COL12A1: variants seen among roughly 807,000 people sequenced by gnomAD.
COL12A1 encodes the protein collagen alpha-1(XII) chain.
In COL12A1, 114 loss-of-function variants were observed where a neutral mutation model predicts 349.7. The observed-to-expected ratio is 0.33, with a 90% CI of 0.28 to 0.38. The LOEUF is 0.38. COL12A1 is among the 10% of genes least tolerant of loss of function. The probability of loss-of-function intolerance (pLI) is 1.00; values close to 1 mark genes in which losing one functional copy is unlikely to be tolerated. For missense variants in COL12A1, 3,284 were observed against 3,756.9 expected (o/e 0.87, Z 3.29); for synonymous variants, 1,369 against 1,329.0 (o/e 1.03, Z -0.66).
At position 75,134,741 on chromosome 6, in the gene COL12A1, C is replaced by T; in HGVS notation, c.5509G>A (p.Gly1837Arg). The T allele has an allele frequency of 3.1e-6, 5 of 1,605,918 alleles. No individual in the cohort carries two copies. Among genetic ancestry groups the T allele is most frequent in the Non-Finnish European group, 4.3e-6 (5 of 1,174,676 alleles). Reference protein sequence around the residue: ...YPDGEGGRMTGRGKTKPLNTV... With the variant: ...YPDGEGGRMTRRGKTKPLNTV... Reference sequence around the variant, plus strand: ...TTTCACTTACTGGTCTTGCCTCTTCCCGTCATCCGACCTCCTTCACCATCA... The same window carrying T: ...TTTCACTTACTGGTCTTGCCTCTTCTCGTCATCCGACCTCCTTCACCATCA... The change falls in exon 32 of 66, where the codon GGA (glycine) becomes AGA (arginine). Residue 1837 changes from glycine to arginine, a missense_variant. Gly to Arg is a moderately radical substitution (Grantham distance 125, BLOSUM62 -2). Around this residue, in one of 2 missense-constraint regions of COL12A1, gnomAD observed 2,601 missense variants for 2,824.8 expected, o/e 0.92. Transcript: ENST00000322507.
At position 75,146,234 on chromosome 6, in the gene COL12A1, A is replaced by G. The variant is rs1554182178; in HGVS notation, c.4428T>C (p.Pro1476=). ...LKGTEKTLPV[P]VVSLNIYDVG... The stretch of plus-strand genomic sequence containing the variant: ...CATCATAAATATTCAGGCTGACTAC[A>G]GGCACTGGCACTTCCAAAACAGAAA... Residue 1476 remains proline, a synonymous_variant, in exon 24 of 66, where the codon CCT becomes CCC. Transcript: ENST00000322507. The G allele has an allele frequency of 6.3e-6, 10 of 1,599,996 alleles. No homozygotes were observed. The highest frequency in any genetic ancestry group is 1.7e-4 in the Middle Eastern group (1 of 6,000).
At chr6:75,181,631 A>G (rs1769298634) in intron 10 of COL12A1, among the ~76,000 whole-genome samples, 1 of 152,226 alleles carries the variant, frequency 6.6e-6, no homozygotes, top group Non-Finnish European at 1.5e-5. Context: ...CAAATATTTC[A>G]AAGTAAAAAT....
At chr6:75,103,835 G>T in intron 54 of COL12A1, 25 bp from the exon 55 acceptor site, 1 of 1,571,668 alleles carries the variant, frequency 6.4e-7, no homozygotes. Flanking sequence ...GCACATAGTA[G>T]TGTGAACATA....
intron 55 of COL12A1, 21 bp downstream of exon 55, chr6:75,103,736 T>G (rs767932388): frequency 1.2e-6 from 2 of 1,605,910 alleles, no homozygotes; most frequent in African/African-American, 1.3e-5. Context: ...AGAATTTAAA[T>G]GCACTCTAAA....
At chr6:75,178,197 T>C (rs150867681) in intron 11 of COL12A1, among the ~76,000 whole-genome samples, 11 of 152,308 alleles carry the variant, frequency 7.2e-5, no homozygotes, top group African/African-American at 2.6e-4. Flanking sequence ...TATATAATAG[T>C]AAACTTTTAA....
At chr6:75,099,547 TTGGAG>T (rs1014261164) in intron 58 of COL12A1, among the ~76,000 whole-genome samples, 1 of 152,226 alleles carries the variant, frequency 6.6e-6, no homozygotes, top group Admixed American at 6.5e-5. Flanking sequence ...TATTCGTAAA[TTGGAG>T]TGAAGAAGAT....
intron 59 of COL12A1, among the ~76,000 whole-genome samples, chr6:75,096,759 AGTGGCGGGCGCCT>A: frequency 6.6e-6 from 1 of 151,274 alleles, no homozygotes; most frequent in South Asian, 2.1e-4. Flanking sequence ...AGCCGGGCGT[AGTGGCGGGCGCCT>A]GTAGTCCCAG....
intron 38 of COL12A1, 149 bp from the exon 39 acceptor site, chr6:75,126,619 GAAGTATTCAAAA>G (rs1288114878): frequency 1.1e-6 from 1 of 929,144 alleles, no homozygotes; most frequent in East Asian, 3.0e-5. Flanking sequence ...AAAAGGCATT[GAAGTATTCAAAA>G]AATGCTTAAT....
chr6:75,198,850 T>A (rs1562328042), intron 2 of COL12A1, among the ~76,000 whole-genome samples: 3 of 152,192 alleles, frequency 2.0e-5, no homozygotes, highest in African/African-American at 7.2e-5. Context: ...ACTACTAAGA[T>A]CTTTAGTTTG....
At chr6:75,135,153 A>G (rs549080062) in intron 31 of COL12A1, among the ~76,000 whole-genome samples, 1 of 148,734 alleles carries the variant, frequency 6.7e-6, no homozygotes, top group Non-Finnish European at 1.5e-5. Flanking sequence ...CTCTTCAAAA[A>G]AAAAGGGGGC....
At chr6:75,190,548 C>A (rs1324468418) in intron 5 of COL12A1, among the ~76,000 whole-genome samples, 1 of 151,810 alleles carries the variant, frequency 6.6e-6, no homozygotes, top group East Asian at 1.9e-4. Flanking sequence ...CATGTGGTAT[C>A]CTGAAATTAT....
chr6:75,094,399 C>CA (rs1317809844), intron 60 of COL12A1, among the ~76,000 whole-genome samples: 2 of 151,632 alleles, frequency 1.3e-5, no homozygotes, highest in African/African-American at 2.4e-5. Context: ...TTCATAAATA[C>CA]AAAAAAAGGA....
intron 57 of COL12A1, 125 bp downstream of exon 57, chr6:75,101,874 T>C: frequency 1.8e-6 from 2 of 1,136,518 alleles, no homozygotes; most frequent in Non-Finnish European, 2.6e-6. Context: ...GGGTATGAAA[T>C]GGAAATGAGG....
At chr6:75,179,569 T>C (rs1013124338) in intron 11 of COL12A1, among the ~76,000 whole-genome samples, 3 of 150,178 alleles carry the variant, frequency 2.0e-5, no homozygotes, top group African/African-American at 4.9e-5. Flanking sequence ...AAAATAGCAA[T>C]CTTATCTGAA....
At chr6:75,092,195 G>T (rs1272606924) in intron 60 of COL12A1, among the ~76,000 whole-genome samples, 1 of 152,084 alleles carries the variant, frequency 6.6e-6, no homozygotes, top group Non-Finnish European at 1.5e-5. Context: ...AGGCCTGTTG[G>T]GGGGTCAGGG....
intron 55 of COL12A1, among the ~76,000 whole-genome samples, chr6:75,103,431 C>T (rs1483154693): frequency 6.6e-6 from 1 of 152,176 alleles, no homozygotes; most frequent in Non-Finnish European, 1.5e-5. Context: ...TCCCAACAGG[C>T]TCCAGCTCTC....
chr6:75,160,649 C>A (rs946267420), intron 14 of COL12A1, among the ~76,000 whole-genome samples: 2 of 152,184 alleles, frequency 1.3e-5, no homozygotes, highest in Non-Finnish European at 2.9e-5. Context: ...GTTTCAGGAT[C>A]TCCCATAGAA....
intron 2 of COL12A1, 151 bp from the exon 3 acceptor site, chr6:75,195,098 A>G (rs1770152303): frequency 1.9e-6 from 1 of 528,448 alleles, no homozygotes; most frequent in Non-Finnish European, 3.3e-6. Flanking sequence ...GTTGGATAAG[A>G]ATAAAACTAA....
chr6:75,197,591 A>T (rs1770299739), intron 2 of COL12A1, among the ~76,000 whole-genome samples: 1 of 152,104 alleles, frequency 6.6e-6, no homozygotes, highest in Non-Finnish European at 1.5e-5. Flanking sequence ...GGATTGTAGG[A>T]ATAAGCCACT....
Sources: allele counts gnomAD v4.1 joint callset (sites outside exome capture counted in the v4.1 genomes callset), GRCh38; gene constraint gnomAD v4.1.1; regional missense constraint gnomAD v4.1.1; transcripts MANE v1.5; gene names NCBI Gene and HGNC (gene_info 2026-07-23, HGNC 2026-07-21).